DSCAM: variants seen among roughly 807,000 people sequenced by gnomAD.
The protein encoded by DSCAM is DS cell adhesion molecule.
DSCAM carries 47 observed loss-of-function variants against 217.7 expected under a neutral mutation model. That is an observed-to-expected ratio of 0.22 (90% CI 0.17 to 0.28). The LOEUF (loss-of-function observed/expected upper bound fraction) is 0.28. Among genes scored for constraint, DSCAM ranks in the 10% least tolerant of loss-of-function variants. DSCAM has a pLI of 1.00. For synonymous variants in DSCAM, 1,056 were observed against 1,015.3 expected (o/e 1.04, Z -0.76); for missense variants, 2,080 against 2,618.3 (o/e 0.79, Z 4.49).
chr21:40,522,349 C>G (rs567162800), intron 3 of DSCAM, among the ~76,000 whole-genome samples: 12 of 152,190 alleles, frequency 7.9e-5, no homozygotes, highest in Non-Finnish European at 1.8e-4. Flanking sequence ...CAAAGCAATT[C>G]GTTCCACTTG....
chr21:40,033,161 G>T (rs779762782), intron 32 of DSCAM, among the ~76,000 whole-genome samples: 20 of 152,104 alleles, frequency 1.3e-4, no homozygotes, highest in Admixed American at 5.2e-4. Context: ...ATTGTGCCTG[G>T]GGGGGAGGAG....
At chr21:40,286,738 CCA>C (rs2073829816) in intron 10 of DSCAM, among the ~76,000 whole-genome samples, 2 of 150,888 alleles carry the variant, frequency 1.3e-5, no homozygotes, top group African/African-American at 5.0e-5. Flanking sequence ...ACAGTGTGAT[CCA>C]TGGTGTGATC....
At chr21:40,232,175 C>T (rs1358678477) in intron 11 of DSCAM, among the ~76,000 whole-genome samples, 1 of 152,166 alleles carries the variant, frequency 6.6e-6, no homozygotes, top group African/African-American at 2.4e-5. Flanking sequence ...GATGACGTCA[C>T]TCATTATGCA....
At chr21:40,741,648 T>C (rs890449958) in intron 1 of DSCAM, among the ~76,000 whole-genome samples, 3 of 152,214 alleles carry the variant, frequency 2.0e-5, no homozygotes, top group Non-Finnish European at 4.4e-5. Flanking sequence ...GACTAGCAGG[T>C]TCTAGCTACC....
intron 3 of DSCAM, among the ~76,000 whole-genome samples, chr21:40,617,616 G>A (rs1234820780): frequency 1.3e-5 from 2 of 152,180 alleles, no homozygotes; most frequent in Admixed American, 1.3e-4. Flanking sequence ...GTTTTTCGTG[G>A]GAACATTCTA....
Position 40,124,258 on chromosome 21 carries a change from G to C in DSCAM, c.3633C>G (p.Pro1211=). The C allele has an allele frequency of 1.1e-5, 17 of 1,613,982 alleles. No individual in the cohort carries two copies. The highest frequency in any genetic ancestry group is 1.4e-5 in the Non-Finnish European group (17 of 1,180,020). Residue 1211 remains proline, a synonymous_variant, in exon 20 of 33, where the codon CCC becomes CCG. Coordinates refer to ENST00000400454, the MANE Select transcript of DSCAM (RefSeq NM_001389.5). Reference sequence around the variant, plus strand: ...GGATGATGCCGTTCAGCTTGAGAGGGGGAAGCCAGGACACAAAGACCATGG... The same window carrying C: ...GGATGATGCCGTTCAGCTTGAGAGGCGGAAGCCAGGACACAAAGACCATGG... ...SASMVFVSWL[P]PLKLNGIIRK...
At chr21:40,322,671 C>T (rs1234778620) in intron 8 of DSCAM, among the ~76,000 whole-genome samples, 1 of 151,914 alleles carries the variant, frequency 6.6e-6, no homozygotes, top group Admixed American at 6.6e-5. Flanking sequence ...ACTACAGGTG[C>T]CCGCCATTAC....
chr21:40,743,818 C>A (rs1466386881), intron 1 of DSCAM, among the ~76,000 whole-genome samples: 1 of 152,096 alleles, frequency 6.6e-6, no homozygotes, highest in African/African-American at 2.4e-5. Context: ...ATAATCAAAT[C>A]TGCTGACCAA....
intron 3 of DSCAM, among the ~76,000 whole-genome samples, chr21:40,646,473 C>T (rs2089948749): frequency 6.6e-6 from 1 of 151,500 alleles, no homozygotes; most frequent in African/African-American, 2.4e-5. Flanking sequence ...TTCTTGTTAG[C>T]AAAGAGAACT....
chr21:40,474,514 T>A (rs528172584), intron 3 of DSCAM, among the ~76,000 whole-genome samples: 2 of 152,170 alleles, frequency 1.3e-5, no homozygotes, highest in South Asian at 4.1e-4. Context: ...AATAAACACA[T>A]AAAATAGCTA....
intron 11 of DSCAM, among the ~76,000 whole-genome samples, chr21:40,201,552 C>T (rs1289975152): frequency 6.6e-6 from 1 of 152,160 alleles, no homozygotes; most frequent in Admixed American, 6.5e-5. Flanking sequence ...AGCAATTCTC[C>T]TGCCTCAGCT....
chr21:40,252,847 T>C (rs1418128598), intron 11 of DSCAM, among the ~76,000 whole-genome samples: 2 of 152,010 alleles, frequency 1.3e-5, no homozygotes, highest in Admixed American at 6.6e-5. Flanking sequence ...TAAAACAAAA[T>C]TGGGGGAAGT....
chr21:40,796,561 T>C (rs1039990490), intron 1 of DSCAM, among the ~76,000 whole-genome samples: 5 of 152,204 alleles, frequency 3.3e-5, no homozygotes, highest in Admixed American at 1.3e-4. Flanking sequence ...CATGCACTAT[T>C]ATGAGACAAG....
chr21:40,025,040 G>A (rs200288930), intron 32 of DSCAM, among the ~76,000 whole-genome samples: 14 of 121,230 alleles, frequency 1.2e-4, no homozygotes, highest in East Asian at 7.1e-4. Context: ...TTTGAGATAC[G>A]TCCCATCAAT....
chr21:40,838,562 A>T (rs1224389327), intron 1 of DSCAM, among the ~76,000 whole-genome samples: 1 of 152,252 alleles, frequency 6.6e-6, no homozygotes, highest in East Asian at 1.9e-4. Flanking sequence ...AGAAAGAACT[A>T]TAAGCTGGCT....
chr21:40,690,454 T>A (rs1284763363), intron 3 of DSCAM, among the ~76,000 whole-genome samples: 3 of 152,254 alleles, frequency 2.0e-5, no homozygotes, highest in Non-Finnish European at 4.4e-5. Context: ...TTCTTACTGA[T>A]GTATTCCTTA....
intron 1 of DSCAM, among the ~76,000 whole-genome samples, chr21:40,784,849 G>C (rs1326671313): frequency 1.3e-5 from 2 of 152,156 alleles, no homozygotes; most frequent in Non-Finnish European, 1.5e-5. Context: ...CAGTACTGTG[G>C]GGGGAGAATG....
Position 40,042,531 on chromosome 21 carries a change from C to T in DSCAM, c.5526G>A (p.Thr1842=), listed in dbSNP as rs371190781. Residue 1842 remains threonine, a synonymous_variant, in exon 32 of 33, where the codon ACG becomes ACA. Coordinates refer to ENST00000400454, the MANE Select transcript of DSCAM (RefSeq NM_001389.5). The part of the protein sequence containing the change: ...FTITECFISD[T]SSEQLTAGTN... ...TCCCTGCCGTCAACTGCTCCGATGA[C>T]GTGTCTGATATGAAGCACTCCGTGA... The T allele has an allele frequency of 4.0e-5, 64 of 1,614,090 alleles. No homozygotes were observed. In the Admixed American group the frequency reaches 6.2e-4, roughly 16 times the overall value.
At chr21:40,574,706 A>ATTTT (rs35778831) in intron 3 of DSCAM, among the ~76,000 whole-genome samples, 3 of 127,626 alleles carry the variant, frequency 2.4e-5, no homozygotes, top group African/African-American at 8.8e-5. Context: ...AAGGTGCCTG[A>ATTTT]TTTTTTTTTT....
Sources: gnomAD v4.1 joint callset for allele counts (sites outside exome capture counted in the v4.1 genomes callset) on GRCh38, gnomAD v4.1.1 for gene constraint, MANE v1.5 for transcripts, NCBI Gene and HGNC (gene_info 2026-07-23, HGNC 2026-07-21) for gene names.